ASIC2: variants seen among roughly 807,000 people sequenced by gnomAD.
The protein encoded by ASIC2 is acid sensing ion channel subunit 2.
Under a neutral mutation model 57.3 loss-of-function variants are expected in ASIC2, and 25 were observed. The ratio of observed to expected loss-of-function variants is 0.44; its 90% CI spans 0.32 to 0.61. The LOEUF (loss-of-function observed/expected upper bound fraction) is 0.61. ASIC2 is among the 20% of genes least tolerant of loss of function. ASIC2 has a pLI of 0.06. For synonymous variants in ASIC2, 319 were observed against 307.5 expected (o/e 1.04, Z -0.39); for missense variants, 641 against 738.1 (o/e 0.87, Z 1.52).
intron 1 of ASIC2, among the ~76,000 whole-genome samples, chr17:33,457,722 C>G (rs759740893): frequency 1.9e-4 from 29 of 152,190 alleles, no homozygotes; most frequent in Admixed American, 3.3e-4. Context: ...AGACAGCTTA[C>G]TACAAGACAG....
chr17:33,061,737 G>T (rs536293967), intron 3 of ASIC2, among the ~76,000 whole-genome samples: 58 of 152,316 alleles, frequency 3.8e-4, no homozygotes, highest in African/African-American at 1.4e-3. Flanking sequence ...GGAAGGAATG[G>T]TACCAGCTCC....
chr17:33,966,238 C>A (rs755743984), intron 1 of ASIC2, among the ~76,000 whole-genome samples: 1 of 152,162 alleles, frequency 6.6e-6, no homozygotes, highest in African/African-American at 2.4e-5. Flanking sequence ...GGTGATTTGT[C>A]CTGCCTGTCT....
intron 1 of ASIC2, among the ~76,000 whole-genome samples, chr17:33,876,748 A>G (rs939274802): frequency 6.6e-6 from 1 of 152,198 alleles, no homozygotes; most frequent in Admixed American, 6.5e-5. Context: ...CAGCCTCACA[A>G]GTGGACTGTG....
chr17:34,111,251 T>C (rs931766710), intron 1 of ASIC2, among the ~76,000 whole-genome samples: 1 of 148,236 alleles, frequency 6.7e-6, no homozygotes, highest in African/African-American at 2.5e-5. Flanking sequence ...TACACACATA[T>C]ATATAATAGT....
intron 1 of ASIC2, among the ~76,000 whole-genome samples, chr17:33,341,708 G>C (rs1316654166): frequency 1.3e-5 from 2 of 152,304 alleles, no homozygotes; most frequent in East Asian, 3.9e-4. Context: ...GCCCAGAGTG[G>C]TTAGAGTTTG....
At chr17:33,352,208 T>C (rs1908213244) in intron 1 of ASIC2, among the ~76,000 whole-genome samples, 1 of 152,184 alleles carries the variant, frequency 6.6e-6, no homozygotes, top group African/African-American at 2.4e-5. Flanking sequence ...CCTGGATACC[T>C]GGCAGGGACT....
intron 1 of ASIC2, among the ~76,000 whole-genome samples, chr17:33,132,350 T>C (rs2092349920): frequency 1.3e-5 from 2 of 152,178 alleles, no homozygotes; most frequent in African/African-American, 4.8e-5. Flanking sequence ...AAGGCTGTCA[T>C]GATGTTAAGA....
intron 1 of ASIC2, among the ~76,000 whole-genome samples, chr17:34,138,442 A>T (rs1362301528): frequency 6.6e-6 from 1 of 152,152 alleles, no homozygotes; most frequent in Non-Finnish European, 1.5e-5. Flanking sequence ...TTCCCTGGAG[A>T]TCCACACATG....
At chr17:33,053,930 G>T (rs778939325) in intron 3 of ASIC2, among the ~76,000 whole-genome samples, 11 of 152,110 alleles carry the variant, frequency 7.2e-5, no homozygotes, top group Admixed American at 2.6e-4. Context: ...ATTTAATCTG[G>T]ATGCTTTTAA....
intron 1 of ASIC2, among the ~76,000 whole-genome samples, chr17:33,540,379 G>T (rs1915369003): frequency 6.6e-6 from 1 of 152,144 alleles, no homozygotes; most frequent in Non-Finnish European, 1.5e-5. Context: ...ACTCAGCATA[G>T]GTAGTAGGAG....
At chr17:33,975,677 T>C (rs989644895) in intron 1 of ASIC2, among the ~76,000 whole-genome samples, 7 of 152,152 alleles carry the variant, frequency 4.6e-5, no homozygotes, top group Non-Finnish European at 1.0e-4. Flanking sequence ...CTCATCTCTC[T>C]GTTCTGGTCC....
rs191250170 is a variant in ASIC2, at chr17:33,135,744, C to A, written c.709-23677G>T. On this transcript the variant is annotated intron_variant, in intron 1 of 9. Transcript: ENST00000225823. ...GGGAGAGGCAAGGGGGGCTGGCAAT[C>A]CTAGAGACTGCTCAACCCTGCCTCT... 3.3e-3 allele frequency among the ~76,000 whole-genome samples: 510 copies of A among 152,298 alleles called. 4 individuals are homozygous for A. Among genetic ancestry groups the A allele is most frequent in the Non-Finnish European group, 3.7e-3 (252 of 68,026 alleles).
At position 33,104,674 on chromosome 17, in the gene ASIC2, G is replaced by A. The variant is rs977900280; in HGVS notation, c.859+7243C>T. Among the ~76,000 whole-genome samples the A allele has an allele frequency of 2.6e-5, 4 of 152,298 alleles. No individual in the cohort carries two copies. In the East Asian group the frequency reaches 7.7e-4, roughly 29 times the overall value. ...AAAATAGACAAGGAGGATGGCAGCA[G>A]ACCTATCATTATATGCCATTCTCTC... On this transcript the variant is annotated intron_variant, in intron 2 of 9. Coordinates refer to ENST00000225823, the MANE Select transcript of ASIC2 (RefSeq NM_183377.2).
intron 1 of ASIC2, among the ~76,000 whole-genome samples, chr17:33,510,758 C>T (rs112876533): frequency 6.6e-6 from 1 of 152,192 alleles, no homozygotes; most frequent in African/African-American, 2.4e-5. Context: ...TGCCAGTTCC[C>T]ACCATTACCA....
intron 1 of ASIC2, among the ~76,000 whole-genome samples, chr17:33,311,512 A>G (rs1350236675): frequency 2.0e-5 from 3 of 151,884 alleles, no homozygotes; most frequent in Non-Finnish European, 4.4e-5. Flanking sequence ...AGGGCAGCCC[A>G]GTTTCTTCTG....
chr17:33,948,208 T>C (rs1169412170), intron 1 of ASIC2, among the ~76,000 whole-genome samples: 2 of 152,220 alleles, frequency 1.3e-5, no homozygotes, highest in Non-Finnish European at 2.9e-5. Context: ...AAGCTGAATT[T>C]GACCTCTGCT....
intron 1 of ASIC2, among the ~76,000 whole-genome samples, chr17:33,402,399 A>C (rs1266085223): frequency 1.3e-5 from 2 of 152,166 alleles, no homozygotes; most frequent in Non-Finnish European, 2.9e-5. Context: ...CCTAGGTATT[A>C]AGCCCAGCAT....
intron 1 of ASIC2, among the ~76,000 whole-genome samples, chr17:33,801,405 T>C (rs1313283329): frequency 6.6e-6 from 1 of 152,160 alleles, no homozygotes; most frequent in East Asian, 1.9e-4. Context: ...CCCTGCTTGA[T>C]TGTCTGATCT....
chr17:33,321,747 A>C (rs1172171392), intron 1 of ASIC2, among the ~76,000 whole-genome samples: 1 of 152,236 alleles, frequency 6.6e-6, no homozygotes, highest in Non-Finnish European at 1.5e-5. Context: ...TCTTACATGG[A>C]TCAAAGATAC....
Sources: gnomAD v4.1 joint callset for allele counts (sites outside exome capture counted in the v4.1 genomes callset) on GRCh38, gnomAD v4.1.1 for gene constraint, MANE v1.5 for transcripts, NCBI Gene and HGNC (gene_info 2026-07-23, HGNC 2026-07-21) for gene names.